Variants in SYN2 observed in about 807,000 individuals in gnomAD.
SYN2 encodes synapsin-2.
In SYN2, 19 loss-of-function variants were observed where a neutral mutation model predicts 50.9. The ratio of observed to expected loss-of-function variants is 0.37; its 90% confidence interval spans 0.26 to 0.55. The LOEUF is 0.55. SYN2 is among the 20% of genes least tolerant of loss of function. The probability of loss-of-function intolerance (pLI) is 0.81; values close to 1 mark genes in which losing one functional copy is unlikely to be tolerated. For missense variants in SYN2, 587 were observed against 576.4 expected, an observed-to-expected ratio of 1.02 and a Z score of -0.19; for synonymous variants, 255 against 224.9, an observed-to-expected ratio of 1.13 and a Z score of -1.20.
At chr3:12,084,996 A>AT (rs1695660268) in intron 1 of SYN2, among the ~76,000 whole-genome samples, 2 of 43,856 alleles carry the variant, frequency 4.6e-5, no homozygotes, top group African/African-American at 1.4e-4. Flanking sequence ...CAAATTAACT[A>AT]GGAAAAAAAA....
At position 12,191,947 on chromosome 3, in the gene SYN2, CA is replaced by C. The variant is rs1698451515; in HGVS notation, c.*1324del. ...GGCTGCTTCATGACTCCCTGATACT[CA>C]AGTATATTTTCCCAAAGACCACGGA... On this transcript the variant is annotated 3_prime_UTR_variant, in exon 13 of 13. Transcript: ENST00000621198. Among the ~76,000 whole-genome samples the C allele has an allele frequency of 6.6e-6, 1 of 152,138 alleles. No individual in the cohort carries two copies. Among genetic ancestry groups the C allele is most frequent in the Admixed American group, 6.5e-5 (1 of 15,284 alleles).
At chr3:12,044,304 T>A (rs1694691134) in intron 1 of SYN2, among the ~76,000 whole-genome samples, 1 of 151,904 alleles carries the variant, frequency 6.6e-6, no homozygotes, top group South Asian at 2.1e-4. Context: ...AAGAATGAAA[T>A]GCTTCCATAG....
intron 5 of SYN2, among the ~76,000 whole-genome samples, chr3:12,152,244 G>A (rs112945239): frequency 2.8e-4 from 43 of 152,248 alleles, no homozygotes; most frequent in African/African-American, 1.0e-3. Flanking sequence ...AACAACCTTG[G>A]GCATTGAAAA....
At chr3:12,100,752 A>T (rs897036390) in intron 1 of SYN2, among the ~76,000 whole-genome samples, 1 of 152,098 alleles carries the variant, frequency 6.6e-6, no homozygotes, top group African/African-American at 2.4e-5. Context: ...CAGAATATAT[A>T]AAGAGCTCTT....
intron 2 of SYN2, 32 bp downstream of exon 2, chr3:12,140,740 C>G (rs754663016): frequency 2.7e-6 from 2 of 738,160 alleles, no homozygotes; most frequent in South Asian, 1.4e-5. Context: ...GCTGCATCCC[C>G]GTCATCACAG....
chr3:12,014,090 G>A (rs1177707664), intron 1 of SYN2, among the ~76,000 whole-genome samples: 3 of 152,094 alleles, frequency 2.0e-5, no homozygotes, highest in African/African-American at 7.2e-5. Context: ...TTTCAATACT[G>A]CAAGTATCTT....
At chr3:12,127,852 G>A (rs1038342662) in intron 1 of SYN2, among the ~76,000 whole-genome samples, 15 of 152,126 alleles carry the variant, frequency 9.9e-5, no homozygotes, top group South Asian at 2.1e-4. Flanking sequence ...TTTGCTCTAC[G>A]AACTGTGTAC....
intron 1 of SYN2, among the ~76,000 whole-genome samples, chr3:12,046,145 G>C (rs1694734212): frequency 6.6e-6 from 1 of 152,160 alleles, no homozygotes; most frequent in Admixed American, 6.5e-5. Flanking sequence ...ACAGCTACTA[G>C]TGTGGTTTAG....
At chr3:12,181,839 C>G (rs1352558573) in intron 10 of SYN2, among the ~76,000 whole-genome samples, 1 of 152,128 alleles carries the variant, frequency 6.6e-6, no homozygotes, top group African/African-American at 2.4e-5. Flanking sequence ...GTCCTGAAGG[C>G]TGATGGGATG....
At chr3:12,106,436 T>C (rs1459491319) in intron 1 of SYN2, among the ~76,000 whole-genome samples, 1 of 152,208 alleles carries the variant, frequency 6.6e-6, no homozygotes, top group Non-Finnish European at 1.5e-5. Context: ...GGTGGGGGAA[T>C]CTGGGACCAT....
intron 1 of SYN2, among the ~76,000 whole-genome samples, chr3:12,072,350 T>G (rs1695374029): frequency 6.6e-6 from 1 of 152,222 alleles, no homozygotes; most frequent in Admixed American, 6.5e-5. Context: ...CCAAATGTGT[T>G]TATTTTTTCC....
At chr3:12,153,636 C>A (rs749595899) in intron 5 of SYN2, 2 of 1,614,170 alleles carry the variant, frequency 1.2e-6, no homozygotes, top group Admixed American at 3.3e-5. Context: ...ATAGAGCTTT[C>A]GTTCCAACAG....
At chr3:12,014,354 T>C (rs1693976488) in intron 1 of SYN2, among the ~76,000 whole-genome samples, 1 of 152,232 alleles carries the variant, frequency 6.6e-6, no homozygotes, top group Non-Finnish European at 1.5e-5. Context: ...AAGTATATGT[T>C]AATATGTTGG....
intron 7 of SYN2, 141 bp from the exon 8 acceptor site, chr3:12,167,093 C>T (rs1697818369): frequency 2.5e-6 from 2 of 797,918 alleles, no homozygotes; most frequent in South Asian, 3.3e-5. Context: ...AGGCTCTAGG[C>T]TCAGCAGACA....
chr3:12,189,084 G>A (rs1246857801), intron 12 of SYN2, among the ~76,000 whole-genome samples: 2 of 152,226 alleles, frequency 1.3e-5, no homozygotes, highest in East Asian at 1.9e-4. Flanking sequence ...TGCAGGCAGA[G>A]AGAGACTGCT....
chr3:12,164,382 T>C (rs1055132363), intron 7 of SYN2, among the ~76,000 whole-genome samples: 5 of 152,212 alleles, frequency 3.3e-5, no homozygotes, highest in Non-Finnish European at 4.4e-5. Flanking sequence ...AGATAACATT[T>C]ATTTACTTTT....
chr3:12,114,259 A>G (rs915084927), intron 1 of SYN2, among the ~76,000 whole-genome samples: 2 of 152,044 alleles, frequency 1.3e-5, no homozygotes, highest in Non-Finnish European at 2.9e-5. Context: ...TTGGAGAACT[A>G]TCTATTCAAG....
At chr3:12,103,223 G>T (rs1336177977) in intron 1 of SYN2, among the ~76,000 whole-genome samples, 1 of 152,016 alleles carries the variant, frequency 6.6e-6, no homozygotes, top group African/African-American at 2.4e-5. Flanking sequence ...AGTCTTTCAA[G>T]AATCAGGATG....
At chr3:12,188,962 C>T (rs1027982123) in intron 12 of SYN2, among the ~76,000 whole-genome samples, 2 of 152,228 alleles carry the variant, frequency 1.3e-5, no homozygotes, top group African/African-American at 2.4e-5. Flanking sequence ...GCTGGAGGCT[C>T]ATCCCCAGTA....
Sources: gnomAD v4.1 joint callset for allele counts (sites outside exome capture counted in the v4.1 genomes callset) on GRCh38, gnomAD v4.1.1 for gene constraint, MANE v1.5 for transcripts, NCBI Gene and HGNC (gene_info 2026-07-23, HGNC 2026-07-21) for gene names.